STK32B: variants seen among roughly 807,000 people sequenced by gnomAD.
STK32B encodes serine/threonine kinase 32B.
A neutral mutation model predicts 52.6 loss-of-function variants in STK32B; 43 were observed. The observed-to-expected ratio is 0.82, with a 90% CI of 0.64 to 1.05. STK32B has a LOEUF of 1.05. STK32B is among the 50% of genes least tolerant of loss of function. The pLI is 0.00. For missense variants in STK32B, 621 were observed against 534.6 expected (o/e 1.16, Z -1.59); for synonymous variants, 238 against 204.3 (o/e 1.17, Z -1.41).
chr4:5,378,573 C>T lies in STK32B; in HGVS notation c.435-19634C>T, dbSNP rs960301870. Among the ~76,000 whole-genome samples, 1 of 151,688 alleles carries T rather than the reference C, an allele frequency of 6.6e-6. No homozygotes were observed. Among genetic ancestry groups the T allele is most frequent in the African/African-American group, 2.4e-5 (1 of 41,238 alleles). ...TAGTATTGATAGGGTTTGTTATGCC[C>T]TTTGTCTTCTCCACTGGTTTGGAAG... On this transcript the variant is annotated intron_variant, in intron 4 of 11. Transcript: ENST00000282908. This position sits in a 1 kb window ranked among gnomAD's most constrained non-coding sequence, Gnocchi z 4.4.
intron 3 of STK32B, among the ~76,000 whole-genome samples, chr4:5,218,030 G>C (rs1416248806): frequency 2.6e-5 from 4 of 151,680 alleles, no homozygotes; most frequent in Admixed American, 6.6e-5. Flanking sequence ...TTTTTTTCCT[G>C]TATGATGTAT....
chr4:5,493,371 G>GTGTT, intron 11 of STK32B, among the ~76,000 whole-genome samples: 2 of 152,272 alleles, frequency 1.3e-5, no homozygotes, highest in Admixed American at 1.3e-4. Context: ...TTGCGTAGAG[G>GTGTT]TGTTTGTAGT....
At chr4:5,434,614 G>C (rs997823509) in intron 6 of STK32B, among the ~76,000 whole-genome samples, 1 of 152,068 alleles carries the variant, frequency 6.6e-6, no homozygotes, top group Admixed American at 6.6e-5. Context: ...TAGTAGCTGT[G>C]TCACCTCAGA....
intron 4 of STK32B, among the ~76,000 whole-genome samples, chr4:5,337,108 A>G (rs1732758236): frequency 6.6e-6 from 1 of 151,370 alleles, no homozygotes; most frequent in African/African-American, 2.4e-5. Flanking sequence ...CCTGCTAAGT[A>G]GCTGGGACCA....
intron 3 of STK32B, among the ~76,000 whole-genome samples, chr4:5,227,380 T>C (rs924165193): frequency 7.9e-5 from 12 of 152,238 alleles, no homozygotes; most frequent in Admixed American, 1.3e-4. Flanking sequence ...CACTGACTTA[T>C]TTAGACCTTC....
At chr4:5,182,174 T>C (rs1720416190) in intron 3 of STK32B, among the ~76,000 whole-genome samples, 1 of 152,230 alleles carries the variant, frequency 6.6e-6, no homozygotes, top group African/African-American at 2.4e-5. Context: ...TTCAGTGATA[T>C]CTTCCAGCTC....
At chr4:5,305,257 T>C (rs1729850917) in intron 3 of STK32B, among the ~76,000 whole-genome samples, 1 of 147,676 alleles carries the variant, frequency 6.8e-6, no homozygotes, top group African/African-American at 2.7e-5. Context: ...AGTGTCTCAG[T>C]AGGATTGGTC....
At chr4:5,113,655 A>G (rs1577076554) in intron 1 of STK32B, among the ~76,000 whole-genome samples, 1 of 152,200 alleles carries the variant, frequency 6.6e-6, no homozygotes, top group African/African-American at 2.4e-5. Flanking sequence ...GTAGGGTTCA[A>G]CTTTGCCCTC....
intron 3 of STK32B, among the ~76,000 whole-genome samples, chr4:5,310,860 T>TA (rs907913299): frequency 6.6e-6 from 1 of 152,130 alleles, no homozygotes. Context: ...TATTTAGCCA[T>TA]AAAAAATGAA....
At chr4:5,376,475 A>C (rs1313336419) in intron 4 of STK32B, among the ~76,000 whole-genome samples, 2 of 151,712 alleles carry the variant, frequency 1.3e-5, no homozygotes, top group East Asian at 3.9e-4. Context: ...TCCACCTGCC[A>C]GACAGCAGGT....
intron 3 of STK32B, among the ~76,000 whole-genome samples, chr4:5,212,397 G>A (rs919234502): frequency 3.9e-5 from 6 of 152,168 alleles, no homozygotes; most frequent in African/African-American, 1.4e-4. Flanking sequence ...CTGTCTGTGG[G>A]CTTACTGTCA....
At chr4:5,105,545 C>A (rs546404027) in intron 1 of STK32B, among the ~76,000 whole-genome samples, 2 of 151,856 alleles carry the variant, frequency 1.3e-5, no homozygotes, top group African/African-American at 4.8e-5. Flanking sequence ...TTCTATATTG[C>A]GCATTTTTAC....
At chr4:5,019,593 G>C in the STK32B span, 1 of 814,948 alleles carries the variant, frequency 1.2e-6, no homozygotes, top group Non-Finnish European at 1.7e-6. Context: ...ACGCCCACCG[G>C]GCAGGGTCGG....
In STK32B at chr4:5,331,364, G is replaced by C; in HGVS notation, c.405G>C (p.Glu135Asp). The C allele has an allele frequency of 6.2e-7, 1 of 1,613,416 alleles. No individual in the cohort carries two copies. The highest frequency in any genetic ancestry group is 8.5e-7 in the Non-Finnish European group (1 of 1,179,680). ...TCTGTGAGCTGGCACTGGCCCTGGAGTATCTTCAGAGGTACCACATCATCC... is the reference window on the plus strand; with the variant it reads ...TCTGTGAGCTGGCACTGGCCCTGGACTATCTTCAGAGGTACCACATCATCC... ...LYICELALAL[E>D]YLQRYHIIHR... Residue 135 changes from glutamate to aspartate, a missense_variant, in exon 4 of 12, where the codon GAG (glutamate) becomes GAC (aspartate). Coordinates refer to ENST00000282908, the MANE Select transcript of STK32B (RefSeq NM_018401.3).
chr4:5,022,645 C>T, the STK32B span, among the ~76,000 whole-genome samples: 4 of 152,192 alleles, frequency 2.6e-5, no homozygotes, highest in Non-Finnish European at 5.9e-5. Context: ...ACATCGGGCA[C>T]GGACCCCATC....
At chr4:5,283,638 A>G (rs1203677009) in intron 3 of STK32B, among the ~76,000 whole-genome samples, 3 of 152,214 alleles carry the variant, frequency 2.0e-5, no homozygotes, top group Admixed American at 2.0e-4. Context: ...ATGGCTTTCA[A>G]CAGATTTCTC....
intron 3 of STK32B, among the ~76,000 whole-genome samples, chr4:5,285,302 T>A (rs1728475395): frequency 6.6e-6 from 1 of 152,152 alleles, no homozygotes. Flanking sequence ...AATCCCCATG[T>A]TGTTTAGGGT....
intron 3 of STK32B, among the ~76,000 whole-genome samples, chr4:5,202,715 C>T (rs1431020651): frequency 6.6e-6 from 1 of 152,236 alleles, no homozygotes; most frequent in African/African-American, 2.4e-5. Flanking sequence ...ATATAAGCTA[C>T]CAAAGCTTGG....
chr4:5,307,334 T>G (rs1729987013), intron 3 of STK32B, among the ~76,000 whole-genome samples: 1 of 152,154 alleles, frequency 6.6e-6, no homozygotes. Context: ...TGTTCATTTT[T>G]TTATCTTTTA....
Sources: gnomAD v4.1 joint callset for allele counts (sites outside exome capture counted in the v4.1 genomes callset) on GRCh38, gnomAD v4.1.1 for gene constraint, Gnocchi (gnomAD v3.1) non-coding constraint, MANE v1.5 for transcripts, NCBI Gene and HGNC (gene_info 2026-07-23, HGNC 2026-07-21) for gene names.